Variants in ATL3 observed in about 807,000 individuals in gnomAD.
ATL3 encodes the protein atlastin GTPase 3, also known as atlastin-3.
Under a neutral mutation model 69.5 loss-of-function variants are expected in ATL3, and 49 were observed. That is an observed-to-expected ratio of 0.71 (90% CI 0.56 to 0.89). ATL3 has a LOEUF of 0.89. ATL3 is among the 40% of genes least tolerant of loss of function. The pLI is 0.00. For synonymous variants in ATL3, 214 were observed against 224.1 expected (o/e 0.95, Z 0.40); for missense variants, 606 against 645.7 (o/e 0.94, Z 0.67).
chr11:63,634,519 G>T (rs1939452522), intron 10 of ATL3, among the ~76,000 whole-genome samples: 1 of 151,704 alleles, frequency 6.6e-6, no homozygotes. Context: ...AAAAAAAAAG[G>T]AAAAAATTAT....
intron 8 of ATL3, among the ~76,000 whole-genome samples, chr11:63,638,692 G>A (rs1385850194): frequency 6.6e-6 from 1 of 150,762 alleles, no homozygotes; most frequent in Admixed American, 6.6e-5. Context: ...GCAACAGAGT[G>A]TAGACAAGAC....
rs371558262 is a variant in ATL3, at chr11:63,643,367, C to T, written c.840G>A (p.Gly280=). 1.7e-5 allele frequency: 28 copies of T among 1,605,368 alleles called. No individual in the cohort carries two copies. The highest frequency in any genetic ancestry group is 1.7e-4 in the Middle Eastern group (1 of 6,058). The part of the protein sequence containing the change: ...LQVATSPDFD[G]KLKDIAGEFK... ...ACACCTGGAACACACCTTTTAATTT[C>T]CCATCAAAGTCAGGGCTTGTGGCCA... is the stretch of plus-strand genomic sequence containing the variant. Residue 280 remains glycine, a synonymous_variant, in exon 8 of 13, where the codon GGG becomes GGA. Transcript: ENST00000398868.
Position 63,646,560 on chromosome 11 carries a change from A to G in ATL3, c.565T>C (p.Phe189Leu). The change falls in exon 6 of 13, where the codon TTC becomes CTC. Residue 189 changes from phenylalanine (F) to leucine (L), a missense_variant. Phe to Leu is a conservative substitution (Grantham distance 22). Coordinates refer to ENST00000398868, the MANE Select transcript of ATL3 (RefSeq NM_015459.5). ...ATTGCCAGACGACCGTATTCTGTGA[A>G]GAGCTTTAAAAAAGAAGCATTATGG... ...QEDDLQQLQL[F>L]TEYGRLAMDE... is the part of the protein sequence containing the mutation. 2 of 1,602,086 alleles carry G rather than the reference A, an allele frequency of 1.2e-6. No homozygotes were observed. The highest frequency in any genetic ancestry group is 1.8e-4 in the Middle Eastern group (1 of 5,642).
chr11:63,635,445 C>T (rs1325717571), intron 10 of ATL3, 89 bp downstream of exon 10: 2 of 1,138,196 alleles, frequency 1.8e-6, no homozygotes. Context: ...AGAAAAAGTG[C>T]ATTCTCTTCC....
intron 8 of ATL3, among the ~76,000 whole-genome samples, chr11:63,639,824 A>T (rs1939632332): frequency 6.6e-6 from 1 of 152,184 alleles, no homozygotes; most frequent in Non-Finnish European, 1.5e-5. Context: ...TATTTTTTTT[A>T]AATAAATAGG....
upstream of ATL3, chr11:63,671,608 C>G: frequency 7.0e-7 from 1 of 1,424,902 alleles, no homozygotes; most frequent in Non-Finnish European, 9.2e-7. Context: ...CCGCCTGCCG[C>G]GTGTGCGCGA....
intron 7 of ATL3, 69 bp downstream of exon 7, chr11:63,644,100 A>G: frequency 9.8e-7 from 1 of 1,024,836 alleles, no homozygotes; most frequent in Non-Finnish European, 1.5e-6. Flanking sequence ...TAAACACAAT[A>G]GCCAAAAGCA....
chr11:63,646,115 C>G (rs1206475043), intron 6 of ATL3, among the ~76,000 whole-genome samples: 2 of 152,174 alleles, frequency 1.3e-5, no homozygotes, highest in African/African-American at 4.8e-5. Flanking sequence ...TCTCAAACTC[C>G]TGGGCTCTAG....
At chr11:63,665,139 AGTT>A (rs1257810690) in intron 1 of ATL3, among the ~76,000 whole-genome samples, 1 of 152,130 alleles carries the variant, frequency 6.6e-6, no homozygotes, top group East Asian at 1.9e-4. Flanking sequence ...TGAAGTCAGG[AGTT>A]CAAGACCACC....
chr11:63,669,782 A>T lies in ATL3; in HGVS notation c.46+1508T>A, dbSNP rs539524595. Among the ~76,000 whole-genome samples, 3 of 152,154 alleles carry T rather than the reference A, an allele frequency of 2.0e-5. No homozygotes were observed. In the South Asian group the frequency reaches 6.2e-4, roughly 32 times the overall value. On this transcript the variant is annotated intron_variant, in intron 1 of 12. Coordinates refer to ENST00000398868, the MANE Select transcript of ATL3 (RefSeq NM_015459.5). ...GCCAACGTGGTGAAACCCCGTTTCTACTAAAAATACAAAAAATTAGCTGGG... is the reference window on the plus strand; with the variant it reads ...GCCAACGTGGTGAAACCCCGTTTCTTCTAAAAATACAAAAAATTAGCTGGG...
At chr11:63,645,025 G>A (rs1400503734) in intron 6 of ATL3, among the ~76,000 whole-genome samples, 4 of 152,146 alleles carry the variant, frequency 2.6e-5, no homozygotes, top group African/African-American at 9.7e-5. Context: ...AGGTTGCAGT[G>A]AGGCGAGATC....
At chr11:63,670,827 T>A (rs72932267) in intron 1 of ATL3, among the ~76,000 whole-genome samples, 13,651 of 152,268 alleles carry the variant, frequency 0.09, 815 homozygotes, top group Non-Finnish European at 0.14. Context: ...GCATTCACCT[T>A]CCCGCTCCAT....
rs1225739035 is a variant in ATL3, at chr11:63,624,658, TTTAAAAA to T, written c.*4654_*4660del. Reference sequence around the variant, plus strand: ...AAAAGAAAAACTATCAAAAATTGCTTTTAAAAAATCCTAATTACATTAGAAAATAGGA... The same window carrying T: ...AAAAGAAAAACTATCAAAAATTGCTTATCCTAATTACATTAGAAAATAGGA... On this transcript the variant is annotated 3_prime_UTR_variant, in exon 13 of 13. Coordinates refer to ENST00000398868, the MANE Select transcript of ATL3 (RefSeq NM_015459.5). 1 of 152,192 alleles carries T rather than the reference TTTAAAAA, an allele frequency of 6.6e-6. No individual in the cohort carries two copies. The highest frequency in any genetic ancestry group is 1.5e-5 in the Non-Finnish European group (1 of 68,040). 9.4% of individuals were successfully genotyped at this position (152,192 alleles called of 1,614,324 possible).
In ATL3 at chr11:63,644,243, T is replaced by C. The variant is rs1177166272; in HGVS notation, c.637A>G (p.Arg213Gly). Residue 213 changes from arginine (R) to glycine (G), a missense_variant, in exon 7 of 13, where the codon AGA becomes GGA. By Grantham distance (125) the Arg-to-Gly change is moderately radical. Coordinates refer to ENST00000398868, the MANE Select transcript of ATL3 (RefSeq NM_015459.5). ...TATTCATAAGGGAAACTCCAATCTC[T>C]AACCAAAAACATCAGTGTCTATTTA... ...KPFQTLMFLV[R>G]DWSFPYEYSY... 3.1e-6 allele frequency: 5 copies of C among 1,606,728 alleles called. No individual in the cohort carries two copies. The highest frequency in any genetic ancestry group is 4.3e-6 in the Non-Finnish European group (5 of 1,176,132).
intron 3 of ATL3, among the ~76,000 whole-genome samples, chr11:63,657,208 C>CAAAAAAAAAAAAAAAAAAAAAAAAA (rs1254213240): frequency 1.0e-4 from 6 of 59,910 alleles, no homozygotes; most frequent in African/African-American, 3.8e-4. Flanking sequence ...GACTACATCT[C>CAAAAAAAAAAAAAAAAAAAAAAAAA]AAAAAAAAAA....
intron 3 of ATL3, among the ~76,000 whole-genome samples, chr11:63,653,452 G>A (rs1940142871): frequency 6.6e-6 from 1 of 151,062 alleles, no homozygotes; most frequent in South Asian, 2.1e-4. Context: ...GTGAGAGAGC[G>A]AGATTTTGTC....
chr11:63,636,380 T>C (rs1356306633), intron 8 of ATL3, 46 bp from the exon 9 acceptor site: 6 of 1,612,090 alleles, frequency 3.7e-6, no homozygotes, highest in Non-Finnish European at 5.1e-6. Context: ...CAAACAGCCT[T>C]ATTCAACCAA....
At chr11:63,656,533 A>C (rs926853001) in intron 3 of ATL3, among the ~76,000 whole-genome samples, 1 of 151,906 alleles carries the variant, frequency 6.6e-6, no homozygotes, top group African/African-American at 2.4e-5. Context: ...CAGGAGTGCA[A>C]GACCAGCCTG....
intron 7 of ATL3, among the ~76,000 whole-genome samples, chr11:63,643,781 A>G (rs1158270289): frequency 1.3e-5 from 2 of 152,230 alleles, no homozygotes; most frequent in African/African-American, 4.8e-5. Flanking sequence ...GTAGTGACAG[A>G]CAAAGGATTC....
Sources: gnomAD v4.1 joint callset for allele counts (sites outside exome capture counted in the v4.1 genomes callset) on GRCh38, gnomAD v4.1.1 for gene constraint, MANE v1.5 for transcripts, NCBI Gene and HGNC (gene_info 2026-07-23, HGNC 2026-07-21) for gene names.